SPSB4: variants seen among roughly 807,000 people sequenced by gnomAD.
SPSB4 encodes splA/ryanodine receptor domain and SOCS box containing 4.
SPSB4 carries 21 observed loss-of-function variants against 20.9 expected under a neutral mutation model. The ratio of observed to expected loss-of-function variants is 1.01; its 90% CI spans 0.71 to 1.45. The LOEUF is 1.45. SPSB4 is among the 40% of genes most tolerant of loss of function. The probability of loss-of-function intolerance (pLI) is 0.00; values close to 1 mark genes in which losing one functional copy is unlikely to be tolerated. For synonymous variants in SPSB4, 207 were observed against 183.8 expected, an observed-to-expected ratio of 1.13 and a Z score of -1.02; for missense variants, 399 against 399.2, an observed-to-expected ratio of 1.00 and a Z score of 0.00.
At chr3:141,101,583 G>A (rs757508907) in intron 2 of SPSB4, among the ~76,000 whole-genome samples, 6 of 152,134 alleles carry the variant, frequency 3.9e-5, no homozygotes, top group Admixed American at 2.0e-4. Context: ...TCCCCGCCTC[G>A]CAAAGTTCTC....
intron 2 of SPSB4, among the ~76,000 whole-genome samples, chr3:141,095,729 C>G (rs1000790992): frequency 3.3e-5 from 5 of 152,134 alleles, no homozygotes; most frequent in African/African-American, 1.2e-4. Flanking sequence ...GGGCCTGAGG[C>G]TAACCAGGGT....
At chr3:141,075,357 C>T (rs544637934) in intron 2 of SPSB4, among the ~76,000 whole-genome samples, 1 of 152,246 alleles carries the variant, frequency 6.6e-6, no homozygotes, top group South Asian at 2.1e-4. Context: ...GCCGCTCAGA[C>T]CATACAACCA....
At chr3:141,102,417 T>C (rs921263049) in intron 2 of SPSB4, among the ~76,000 whole-genome samples, 31 of 152,130 alleles carry the variant, frequency 2.0e-4, no homozygotes, top group African/African-American at 7.5e-4. Flanking sequence ...TAGATGGTCC[T>C]GGGAGAGTGT....
chr3:141,066,947 G>A, intron 2 of SPSB4, 149 bp downstream of exon 2: 1 of 795,192 alleles, frequency 1.3e-6, no homozygotes, highest in African/African-American at 1.7e-5. Context: ...CTCTCTGCTG[G>A]CTTGGTGATT....
Position 141,139,130 on chromosome 3 carries a change from C to T in SPSB4, c.695-8012C>T, listed in dbSNP as rs569469299. ...CTTTTGATCTTTGTTGGTTTAAAGT[C>T]TGTTTTATCAGAGACTAGGATTGCA... On this transcript the variant is annotated intron_variant, in intron 2 of 2. Coordinates refer to ENST00000310546, the MANE Select transcript of SPSB4 (RefSeq NM_080862.3). Among the ~76,000 whole-genome samples the T allele has an allele frequency of 8.4e-3, 1,285 of 152,240 alleles. 6 individuals are homozygous for T. Among genetic ancestry groups the T allele is most frequent in the Non-Finnish European group, 0.015 (1,014 of 68,014 alleles).
At chr3:141,069,297 T>A (rs1937948659) in intron 2 of SPSB4, among the ~76,000 whole-genome samples, 1 of 151,788 alleles carries the variant, frequency 6.6e-6, no homozygotes, top group Non-Finnish European at 1.5e-5. Context: ...TGCAGTGGAG[T>A]CTCGCAGGGA....
At chr3:141,125,044 G>A (rs1394067648) in intron 2 of SPSB4, among the ~76,000 whole-genome samples, 1 of 152,116 alleles carries the variant, frequency 6.6e-6, no homozygotes, top group Non-Finnish European at 1.5e-5. Context: ...AAGGAGTTAA[G>A]TACATGTTGA....
chr3:141,145,069 A>T (rs1939391154), intron 2 of SPSB4, among the ~76,000 whole-genome samples: 1 of 152,096 alleles, frequency 6.6e-6, no homozygotes, highest in Non-Finnish European at 1.5e-5. Context: ...AGCCTTCTGC[A>T]CCTGGAAAAT....
rs1490891025 is a variant in SPSB4 at position 141,077,025 on chromosome 3, A to G, written c.694+10227A>G. ...GCCAGGCTGGCGGCAGCCTTTATTT[A>G]CAGGGTCGGGAGCCAGCTGATTTGC... On this transcript the variant is annotated intron_variant, in intron 2 of 2. Coordinates refer to ENST00000310546, the MANE Select transcript of SPSB4 (RefSeq NM_080862.3). 3.3e-5 allele frequency: 5 copies of G among 152,280 alleles called. No homozygotes were observed. In the East Asian group the frequency reaches 9.7e-4, roughly 29 times the overall value. The allele number at this position is 152,280 out of a possible 1,614,324, so 9.4% of individuals were successfully genotyped here. A position where few individuals can be genotyped will look rare whatever the true frequency, so the allele number is the denominator to read the frequency against.
At chr3:141,122,593 C>G (rs1029517032) in intron 2 of SPSB4, among the ~76,000 whole-genome samples, 10 of 152,200 alleles carry the variant, frequency 6.6e-5, no homozygotes, top group Admixed American at 1.3e-4. Context: ...TTTGAGCTTC[C>G]CAGCCTCTTT....
chr3:141,132,178 T>C lies in SPSB4; in HGVS notation c.695-14964T>C, dbSNP rs147500445. 128 of 439,980 alleles carry C rather than the reference T, an allele frequency of 2.9e-4. 2 individuals are homozygous for C. The East Asian group carries it at 8.9e-3, about 31-fold the overall frequency. The allele number at this position is 439,980 out of a possible 1,614,324, so 27.3% of individuals were successfully genotyped here. A position where few individuals can be genotyped will look rare whatever the true frequency, so the allele number is the denominator to read the frequency against. ...CCTAAAGTCCATTATATCTTTGTTT[T>C]TTTTTTTGAGATGGAGTCTCACTCG... On this transcript the variant is annotated intron_variant, in intron 2 of 2. Transcript: ENST00000310546.
At chr3:141,106,510 G>A (rs918925303) in intron 2 of SPSB4, among the ~76,000 whole-genome samples, 4 of 152,176 alleles carry the variant, frequency 2.6e-5, no homozygotes, top group Non-Finnish European at 5.9e-5. Context: ...AATTACCTCC[G>A]ATCAGAGTTC....
At chr3:141,073,046 T>C (rs1938035725) in intron 2 of SPSB4, among the ~76,000 whole-genome samples, 1 of 152,226 alleles carries the variant, frequency 6.6e-6, no homozygotes, top group African/African-American at 2.4e-5. Context: ...TAGATCCCCA[T>C]ATTTGGACAT....
intron 2 of SPSB4, among the ~76,000 whole-genome samples, chr3:141,100,436 A>G (rs1175834694): frequency 6.6e-6 from 1 of 152,200 alleles, no homozygotes; most frequent in Non-Finnish European, 1.5e-5. Context: ...AGATACATCT[A>G]TAAGCCAAGG....
chr3:141,059,225 T>C (rs1937716896), intron 1 of SPSB4, among the ~76,000 whole-genome samples: 1 of 152,166 alleles, frequency 6.6e-6, no homozygotes, highest in Non-Finnish European at 1.5e-5. Context: ...GAGCTCACCC[T>C]CATGGACTAA....
intron 2 of SPSB4, among the ~76,000 whole-genome samples, chr3:141,143,580 T>C (rs1009822301): frequency 6.6e-6 from 1 of 152,250 alleles, no homozygotes; most frequent in African/African-American, 2.4e-5. Context: ...GTGTGCTGGC[T>C]TTCTCTAATG....
intron 1 of SPSB4, among the ~76,000 whole-genome samples, chr3:141,058,828 G>C (rs557253825): frequency 2.6e-5 from 4 of 152,298 alleles, no homozygotes; most frequent in South Asian, 4.1e-4. Context: ...TCAGGAGTGA[G>C]AGTCCAACTA....
At chr3:141,128,793 C>A (rs1022492039) in intron 2 of SPSB4, among the ~76,000 whole-genome samples, 1 of 152,146 alleles carries the variant, frequency 6.6e-6, no homozygotes, top group African/African-American at 2.4e-5. Flanking sequence ...GCAAAGTCAG[C>A]TTCTAGAAAG....
chr3:141,092,112 G>A (rs1938461874), intron 2 of SPSB4, among the ~76,000 whole-genome samples: 1 of 152,172 alleles, frequency 6.6e-6, no homozygotes, highest in African/African-American at 2.4e-5. Flanking sequence ...TGTCAGTTTT[G>A]AATCAGACGG....
Sources: allele counts gnomAD v4.1 joint callset (sites outside exome capture counted in the v4.1 genomes callset), GRCh38; gene constraint gnomAD v4.1.1; transcripts MANE v1.5; gene names NCBI Gene and HGNC (gene_info 2026-07-23, HGNC 2026-07-21).